The following DCDC2C variants were observed in gnomAD, a reference collection of about 807,000 sequenced individuals.
DCDC2C encodes the protein doublecortin domain containing 2C.
DCDC2C carries 44 observed loss-of-function variants against 45.0 expected under a neutral mutation model. The observed-to-expected ratio is 0.98, with a 90% CI of 0.77 to 1.26. DCDC2C has a LOEUF of 1.26. Ranked by LOEUF, DCDC2C falls within the 50% of genes most tolerant of loss-of-function variation. The pLI is 0.00. For missense variants in DCDC2C, 447 were observed against 468.9 expected (o/e 0.95, Z 0.43); for synonymous variants, 187 against 178.8 (o/e 1.05, Z -0.37).
At chr2:3,705,492 C>A (rs1025057386) in intron 1 of DCDC2C, among the ~76,000 whole-genome samples, 3 of 152,204 alleles carry the variant, frequency 2.0e-5, no homozygotes. Context: ...AAGAATATAT[C>A]TCTACAAAAA....
chr2:3,795,064 G>C (rs1670919030), intron 10 of DCDC2C, among the ~76,000 whole-genome samples: 1 of 151,962 alleles, frequency 6.6e-6, no homozygotes, highest in African/African-American at 2.4e-5. Context: ...ATTCTAACTG[G>C]TGTGAGATGG....
Position 3,797,176 on chromosome 2 carries a change from T to C in DCDC2C, c.1065+12076T>C, listed in dbSNP as rs564713038. Among the ~76,000 whole-genome samples the C allele has an allele frequency of 5.8e-4, 88 of 152,376 alleles. 1 individual carries two copies. Among genetic ancestry groups the C allele is most frequent in the African/African-American group, 1.9e-3 (78 of 41,592 alleles). The stretch of plus-strand genomic sequence containing the variant: ...TTGCGTAGAGTTGTTTGTAGTATTC[T>C]CTGATGGTAGTTTGTATTTCTGTAG... On this transcript the variant is annotated intron_variant, in intron 10 of 10. Transcript: ENST00000399143.
At chr2:3,728,833 G>C (rs887491012) in intron 3 of DCDC2C, among the ~76,000 whole-genome samples, 7 of 152,256 alleles carry the variant, frequency 4.6e-5, no homozygotes, top group African/African-American at 1.7e-4. Flanking sequence ...GGCTTGTTGA[G>C]CTGTGTTCTG....
chr2:3,801,591 G>A (rs1049124293), intron 10 of DCDC2C, among the ~76,000 whole-genome samples: 7 of 152,206 alleles, frequency 4.6e-5, no homozygotes, highest in Non-Finnish European at 8.8e-5. Context: ...TAGGACAAAA[G>A]GGATCAAATC....
At chr2:3,791,347 A>T (rs1670806234) in intron 10 of DCDC2C, among the ~76,000 whole-genome samples, 1 of 151,988 alleles carries the variant, frequency 6.6e-6, no homozygotes, top group Admixed American at 6.5e-5. Flanking sequence ...TTAATCAAAC[A>T]CACGGTATTG....
intron 10 of DCDC2C, among the ~76,000 whole-genome samples, chr2:3,798,224 T>C (rs935541478): frequency 6.6e-5 from 10 of 152,274 alleles, no homozygotes; most frequent in African/African-American, 2.2e-4. Context: ...ATTTGCTTGG[T>C]AGATCTTCCT....
At chr2:3,714,976 T>C (rs1668312565) in intron 2 of DCDC2C, among the ~76,000 whole-genome samples, 1 of 152,228 alleles carries the variant, frequency 6.6e-6, no homozygotes, top group African/African-American at 2.4e-5. Flanking sequence ...ATATATGTAA[T>C]TTAAAAGAAA....
chr2:3,720,259 G>A (rs1024633874), intron 2 of DCDC2C, among the ~76,000 whole-genome samples: 2 of 152,348 alleles, frequency 1.3e-5, no homozygotes, highest in South Asian at 4.1e-4. Context: ...GTAGCAAAAC[G>A]TTGTGGTTTG....
intron 9 of DCDC2C, among the ~76,000 whole-genome samples, chr2:3,780,520 G>A (rs968822519): frequency 6.6e-6 from 1 of 152,160 alleles, no homozygotes; most frequent in Non-Finnish European, 1.5e-5. Context: ...ACTATCACTG[G>A]AATTCAATGG....
intron 3 of DCDC2C, among the ~76,000 whole-genome samples, chr2:3,731,749 C>G (rs2148085078): frequency 6.6e-6 from 1 of 152,322 alleles, no homozygotes; most frequent in East Asian, 1.9e-4. Context: ...ATGGAGGATT[C>G]CCTGTGTCCC....
chr2:3,755,090 T>G (rs890039521), intron 6 of DCDC2C, among the ~76,000 whole-genome samples: 2 of 152,180 alleles, frequency 1.3e-5, no homozygotes, highest in African/African-American at 4.8e-5. Context: ...CATATGTGTG[T>G]GTATGTACTG....
chr2:3,726,003 T>C (rs116160111), intron 2 of DCDC2C: 4,624 of 155,306 alleles, frequency 0.03, 265 homozygotes, highest in African/African-American at 0.11. Flanking sequence ...CGAGGATCCC[T>C]TGAGTGGATG....
At chr2:3,771,665 A>G (rs181984080) in intron 8 of DCDC2C, among the ~76,000 whole-genome samples, 1 of 152,328 alleles carries the variant, frequency 6.6e-6, no homozygotes, top group Admixed American at 6.5e-5. Context: ...GAGCAGGAAC[A>G]TAGGATGTGG....
chr2:3,824,666 G>A (rs893015805), intron 10 of DCDC2C, among the ~76,000 whole-genome samples: 1 of 152,008 alleles, frequency 6.6e-6, no homozygotes, highest in Non-Finnish European at 1.5e-5. Context: ...TTTTCTCACT[G>A]CTCCTGTCCC....
At chr2:3,798,954 C>T (rs1333371505) in intron 10 of DCDC2C, among the ~76,000 whole-genome samples, 1 of 152,174 alleles carries the variant, frequency 6.6e-6, no homozygotes, top group Non-Finnish European at 1.5e-5. Flanking sequence ...TGGATAATAT[C>T]CTGCAGAGTG....
Position 3,703,917 on chromosome 2 carries a change from G to A in DCDC2C, c.166G>A (p.Val56Ile). The change falls in exon 1 of 11, where the codon GTC becomes ATC. Residue 56 changes from valine (V) to isoleucine (I), a missense_variant. Transcript: ENST00000399143. This position sits in a 1 kb window ranked among gnomAD's most constrained non-coding sequence, Gnocchi z 4.4. Reference sequence around the variant, plus strand: ...GGAGCAGCTCACGGAGCAGGTGGACGTCCCGTTCGGCGTGCGCCGCCTCTT... The same window carrying A: ...GGAGCAGCTCACGGAGCAGGTGGACATCCCGTTCGGCGTGCGCCGCCTCTT... ...LLEQLTEQVDVPFGVRRLFTP... is the reference protein window; with the variant it reads ...LLEQLTEQVDIPFGVRRLFTP... 7.5e-7 allele frequency: 1 copy of A among 1,340,114 alleles called. No homozygotes were observed. Among genetic ancestry groups the A allele is most frequent in the Non-Finnish European group, 9.6e-7 (1 of 1,041,944 alleles). 83.0% of individuals were successfully genotyped at this position (1,340,114 alleles called of 1,614,324 possible). A position where few individuals can be genotyped will look rare whatever the true frequency, so the allele number is the denominator to read the frequency against.
intron 8 of DCDC2C, among the ~76,000 whole-genome samples, chr2:3,775,199 C>G (rs1670302028): frequency 1.0e-5 from 1 of 96,106 alleles, no homozygotes; most frequent in South Asian, 4.5e-4. Context: ...TGGCTCTGAG[C>G]TAGGCAGCTG....
intron 10 of DCDC2C, among the ~76,000 whole-genome samples, chr2:3,836,590 C>T (rs752746196): frequency 2.6e-5 from 4 of 152,302 alleles, no homozygotes; most frequent in Admixed American, 1.3e-4. Context: ...CGGCGGGGCG[C>T]GGTGGCTCAC....
intron 3 of DCDC2C, among the ~76,000 whole-genome samples, chr2:3,728,491 CCA>C (rs1425420473): frequency 2.0e-5 from 3 of 152,156 alleles, no homozygotes; most frequent in Admixed American, 2.0e-4. Flanking sequence ...ATCCTTAAAG[CCA>C]CATTTTATGT....
Sources: allele counts gnomAD v4.1 joint callset (sites outside exome capture counted in the v4.1 genomes callset), GRCh38; gene constraint gnomAD v4.1.1; non-coding constraint Gnocchi (gnomAD v3.1); transcripts MANE v1.5; gene names NCBI Gene and HGNC (gene_info 2026-07-23, HGNC 2026-07-21).